Variants in CCDC201 observed in about 807,000 individuals in gnomAD.
CCDC201 encodes the protein coiled-coil domain-containing protein 201.
intron 2 of CCDC201, among the ~76,000 whole-genome samples, chr7:45,864,296 G>A (rs1196095545): frequency 2.6e-5 from 4 of 152,268 alleles, no homozygotes; most frequent in Non-Finnish European, 4.4e-5. Context: ...ATGCTCCATC[G>A]GGAGCATCCA....
At chr7:45,884,472 G>A in the CCDC201 span, among the ~76,000 whole-genome samples, 1 of 152,144 alleles carries the variant, frequency 6.6e-6, no homozygotes, top group Non-Finnish European at 1.5e-5. Flanking sequence ...CTGCCCTAAT[G>A]AGGAGTCTAA....
At chr7:45,876,263 C>T (rs559124720), upstream of CCDC201, among the ~76,000 whole-genome samples, 8 of 152,310 alleles carry the variant, frequency 5.3e-5, no homozygotes, top group East Asian at 1.9e-4. Flanking sequence ...ACTCAAATGA[C>T]TACCATGACA....
the CCDC201 span, among the ~76,000 whole-genome samples, chr7:45,883,774 C>G: frequency 7.2e-5 from 11 of 152,150 alleles, no homozygotes; most frequent in Admixed American, 7.2e-4. Context: ...TAATCACAAG[C>G]TGCAGTGCAT....
chr7:45,877,070 A>T (rs1185609514), upstream of CCDC201, among the ~76,000 whole-genome samples: 1 of 152,168 alleles, frequency 6.6e-6, no homozygotes, highest in Non-Finnish European at 1.5e-5. Context: ...CTTGGAGGGG[A>T]CACATAGCCC....
chr7:45,875,300 GC>G (rs1168153712), upstream of CCDC201, among the ~76,000 whole-genome samples: 1 of 152,158 alleles, frequency 6.6e-6, no homozygotes, highest in Non-Finnish European at 1.5e-5. Flanking sequence ...TTCAAGACCA[GC>G]CTGTCTAAAA....
At chr7:45,877,091 G>C (rs557407112), upstream of CCDC201, among the ~76,000 whole-genome samples, 3 of 152,302 alleles carry the variant, frequency 2.0e-5, no homozygotes, top group Admixed American at 6.5e-5. Flanking sequence ...TGGACGATGA[G>C]AGCCCCTCAC....
upstream of CCDC201, among the ~76,000 whole-genome samples, chr7:45,877,600 A>C (rs1450021353): frequency 6.6e-6 from 1 of 152,198 alleles, no homozygotes; most frequent in Non-Finnish European, 1.5e-5. Context: ...AGCAGGAGAG[A>C]GAGAGGAAGA....
exon 3 of CCDC201, chr7:45,862,521 C>T (rs867943428): frequency 2.6e-5 from 4 of 152,378 alleles, no homozygotes; most frequent in Middle Eastern, 6.8e-3. Context: ...AACATACATC[C>T]CTCACCATTG....
chr7:45,873,075 C>T (rs917843828), exon 1 of CCDC201: 3 of 152,350 alleles, frequency 2.0e-5, no homozygotes, highest in Non-Finnish European at 4.4e-5. Flanking sequence ...CCCTCAGCAC[C>T]AAGAAATACC....
the CCDC201 span, among the ~76,000 whole-genome samples, chr7:45,880,664 G>C: frequency 6.6e-6 from 1 of 152,252 alleles, no homozygotes; most frequent in Non-Finnish European, 1.5e-5. Context: ...TTTACCTCAG[G>C]GTCATTGCTG....
intron 1 of CCDC201, among the ~76,000 whole-genome samples, chr7:45,866,773 A>G (rs1260510648): frequency 6.6e-6 from 1 of 152,204 alleles, no homozygotes; most frequent in African/African-American, 2.4e-5. Flanking sequence ...TGTATTTTTC[A>G]AGAATAGGAT....
chr7:45,864,173 C>T (rs1786637604), intron 2 of CCDC201, among the ~76,000 whole-genome samples: 1 of 152,136 alleles, frequency 6.6e-6, no homozygotes, highest in African/African-American at 2.4e-5. Context: ...GCAGGCACTG[C>T]CTGTCTGGAC....
At chr7:45,865,601 C>G (rs1452998082) in intron 2 of CCDC201, among the ~76,000 whole-genome samples, 4 of 152,198 alleles carry the variant, frequency 2.6e-5, no homozygotes, top group African/African-American at 4.8e-5. Context: ...ACATATCAGA[C>G]CTTCCCTGTC....
chr7:45,882,091 C>A, the CCDC201 span, among the ~76,000 whole-genome samples: 1 of 152,154 alleles, frequency 6.6e-6, no homozygotes, highest in Non-Finnish European at 1.5e-5. Flanking sequence ...AACTTCCTTT[C>A]TGAGGTGTCC....
At chr7:45,874,574 C>T (rs1004937285), upstream of CCDC201, among the ~76,000 whole-genome samples, 4 of 152,334 alleles carry the variant, frequency 2.6e-5, no homozygotes, top group African/African-American at 7.2e-5. Flanking sequence ...CTGAGGCCTG[C>T]GGTGAATGCT....
At chr7:45,870,037 G>A (rs891617541) in intron 1 of CCDC201, among the ~76,000 whole-genome samples, 2 of 152,078 alleles carry the variant, frequency 1.3e-5, no homozygotes, top group Non-Finnish European at 2.9e-5. Flanking sequence ...GGCTGGTCTC[G>A]AACAGATGAC....
chr7:45,863,773 A>G (rs1355805913), intron 2 of CCDC201, among the ~76,000 whole-genome samples: 3 of 151,974 alleles, frequency 2.0e-5, no homozygotes, highest in African/African-American at 7.3e-5. Flanking sequence ...CAGGCCCACC[A>G]TGGGTCAGTG....
intron 1 of CCDC201, among the ~76,000 whole-genome samples, chr7:45,869,973 T>C (rs528311561): frequency 1.3e-5 from 2 of 152,192 alleles, no homozygotes; most frequent in South Asian, 4.2e-4. Context: ...TGTGCCACCA[T>C]GTCCAGCTAA....
the CCDC201 span, among the ~76,000 whole-genome samples, chr7:45,881,471 G>A: frequency 1.3e-5 from 2 of 152,208 alleles, no homozygotes; most frequent in African/African-American, 4.8e-5. Context: ...AGTGTGGGAT[G>A]CGCCCCCAGA....
Sources: gnomAD v4.1 joint callset for allele counts (sites outside exome capture counted in the v4.1 genomes callset) on GRCh38, gnomAD v4.1.1 for gene constraint, MANE v1.5 for transcripts, NCBI Gene and HGNC (gene_info 2026-07-23, HGNC 2026-07-21) for gene names.